Variants in PRKCE observed in about 807,000 individuals in gnomAD.
PRKCE encodes protein kinase C epsilon, also known as protein kinase C epsilon type.
In PRKCE, 16 loss-of-function variants were observed where a neutral mutation model predicts 85.4. The ratio of observed to expected loss-of-function variants is 0.19; its 90% CI spans 0.13 to 0.28. The LOEUF (loss-of-function observed/expected upper bound fraction) is 0.28. PRKCE is among the 10% of genes least tolerant of loss of function. The pLI is 1.00. For missense variants in PRKCE, 573 were observed against 975.2 expected (o/e 0.59, Z 5.49); for synonymous variants, 388 against 371.5 (o/e 1.04, Z -0.51).
At chr2:45,813,522 A>G (rs1212337309) in intron 1 of PRKCE, among the ~76,000 whole-genome samples, 1 of 152,192 alleles carries the variant, frequency 6.6e-6, no homozygotes, top group African/African-American at 2.4e-5. Flanking sequence ...TCCCTGGCAG[A>G]CACCATGTGG....
chr2:45,977,931 A>G (rs1702587790), intron 3 of PRKCE, among the ~76,000 whole-genome samples: 2 of 152,204 alleles, frequency 1.3e-5, no homozygotes, highest in African/African-American at 4.8e-5. Context: ...GAGTGAGGCC[A>G]GGATGCAGTA....
chr2:45,928,630 T>C (rs1698808561), intron 2 of PRKCE, among the ~76,000 whole-genome samples: 1 of 152,154 alleles, frequency 6.6e-6, no homozygotes, highest in Admixed American at 6.5e-5. Flanking sequence ...ACAATGTGTA[T>C]AGAAGTAATG....
chr2:46,126,985 T>C (rs1417477326), intron 11 of PRKCE, among the ~76,000 whole-genome samples: 4 of 152,206 alleles, frequency 2.6e-5, no homozygotes, highest in African/African-American at 9.6e-5. Context: ...GTTGTTGAGC[T>C]TAAAAATCTA....
Position 46,159,071 on chromosome 2 carries a change from G to T in PRKCE, c.1921-535G>T, listed in dbSNP as rs1432130159. Among the ~76,000 whole-genome samples the T allele has an allele frequency of 6.6e-6, 1 of 152,226 alleles. No homozygotes were observed. Among genetic ancestry groups the T allele is most frequent in the Non-Finnish European group, 1.5e-5 (1 of 68,040 alleles). ...TCAAACATAAAAACAGTGGAGAGGG[G>T]CTGGGTCCAGGAACAGGAAAGGAGC... On this transcript the variant is annotated intron_variant, in intron 13 of 14. Coordinates refer to ENST00000306156, the MANE Select transcript of PRKCE (RefSeq NM_005400.3). The surrounding 1 kb of genome is among the most constrained non-coding windows in gnomAD (Gnocchi z 4.1).
At chr2:45,987,347 G>C (rs942578436) in intron 6 of PRKCE, among the ~76,000 whole-genome samples, 1 of 152,166 alleles carries the variant, frequency 6.6e-6, no homozygotes, top group South Asian at 2.1e-4. Flanking sequence ...GACGAAGGCT[G>C]AGACCTGAAG....
At chr2:46,132,968 G>A (rs3768743) in intron 11 of PRKCE, among the ~76,000 whole-genome samples, 5,754 of 152,262 alleles carry the variant, frequency 0.038, 162 homozygotes, top group East Asian at 0.11. Context: ...ATTGTGTGGA[G>A]TTACATTTGT....
chr2:46,102,960 A>C (rs775220726), intron 11 of PRKCE, among the ~76,000 whole-genome samples: 1 of 152,150 alleles, frequency 6.6e-6, no homozygotes, highest in Admixed American at 6.6e-5. Flanking sequence ...CTTTGCAAAG[A>C]AGTATTATAT....
intron 2 of PRKCE, among the ~76,000 whole-genome samples, chr2:45,844,098 A>G (rs1434860243): frequency 2.0e-5 from 3 of 152,216 alleles, no homozygotes; most frequent in African/African-American, 7.2e-5. Flanking sequence ...GATAGAAGGA[A>G]GGATTACATA....
Position 45,774,188 on chromosome 2 carries a change from G to T in PRKCE, c.349-68812G>T, listed in dbSNP as rs552516458. On this transcript the variant is annotated intron_variant, in intron 1 of 14. Transcript: ENST00000306156. The surrounding 1 kb of genome is among the most constrained non-coding windows in gnomAD (Gnocchi z 4.3). ...CCAGGGCTGGGCTTGGCTGGGACATGTTGGGCTGACCACCCCTGTGGTCAG... is the reference window on the plus strand; with the variant it reads ...CCAGGGCTGGGCTTGGCTGGGACATTTTGGGCTGACCACCCCTGTGGTCAG... Among the ~76,000 whole-genome samples, 1 of 152,260 alleles carries T rather than the reference G, an allele frequency of 6.6e-6. No homozygotes were observed. Among genetic ancestry groups the T allele is most frequent in the South Asian group, 2.1e-4 (1 of 4,822 alleles).
At chr2:45,720,283 G>A (rs970444890) in intron 1 of PRKCE, among the ~76,000 whole-genome samples, 9 of 152,164 alleles carry the variant, frequency 5.9e-5, no homozygotes, top group African/African-American at 1.7e-4. Flanking sequence ...AGTGAAGTGA[G>A]TGCGCTATCA....
chr2:45,817,127 C>G (rs1024463135), intron 1 of PRKCE, among the ~76,000 whole-genome samples: 1 of 145,598 alleles, frequency 6.9e-6, no homozygotes, highest in Non-Finnish European at 1.5e-5. Flanking sequence ...TAGGGACATG[C>G]CCCAGGGGGA....
chr2:45,744,500 T>TTC (rs1682943832), intron 1 of PRKCE, among the ~76,000 whole-genome samples: 1 of 84,722 alleles, frequency 1.2e-5, no homozygotes, highest in African/African-American at 5.7e-5. Context: ...TCTTTCTTTC[T>TTC]TTTCTTTCTT....
chr2:45,999,059 A>G (rs1389961276), intron 6 of PRKCE, among the ~76,000 whole-genome samples: 1 of 152,194 alleles, frequency 6.6e-6, no homozygotes, highest in Non-Finnish European at 1.5e-5. Context: ...CTATAATTAC[A>G]CATAATCAGC....
At chr2:46,090,321 G>T (rs1160764544) in intron 11 of PRKCE, among the ~76,000 whole-genome samples, 1 of 152,164 alleles carries the variant, frequency 6.6e-6, no homozygotes, top group Non-Finnish European at 1.5e-5. Flanking sequence ...CACTCCAGCT[G>T]TGAGCGGCCT....
chr2:45,800,554 G>A (rs1033405827), intron 1 of PRKCE, among the ~76,000 whole-genome samples: 2 of 152,210 alleles, frequency 1.3e-5, no homozygotes, highest in African/African-American at 4.8e-5. Flanking sequence ...GGGTTTGAGG[G>A]CAGCCTTCAC....
intron 6 of PRKCE, among the ~76,000 whole-genome samples, chr2:46,000,012 A>G (rs959352844): frequency 3.4e-4 from 52 of 152,164 alleles, no homozygotes; most frequent in African/African-American, 1.2e-3. Flanking sequence ...TGCTGTGTAC[A>G]TTATCCATTA....
At chr2:45,847,293 C>G (rs548883329) in intron 2 of PRKCE, among the ~76,000 whole-genome samples, 2 of 152,210 alleles carry the variant, frequency 1.3e-5, no homozygotes, top group African/African-American at 2.4e-5. Context: ...TTAGTGTGGA[C>G]CATAGCATGT....
chr2:45,901,181 T>A (rs1696552572), intron 2 of PRKCE, among the ~76,000 whole-genome samples: 1 of 152,236 alleles, frequency 6.6e-6, no homozygotes, highest in Admixed American at 6.5e-5. Context: ...AGATTTGAGA[T>A]GCAGAAAAAT....
At chr2:45,787,341 GGAGAGACAGAGACAGAGAGAGA>G (rs1261712087) in intron 1 of PRKCE, among the ~76,000 whole-genome samples, 2 of 151,846 alleles carry the variant, frequency 1.3e-5, no homozygotes, top group East Asian at 2.0e-4. Context: ...TGAGGGAGAG[GGAGAGACAGAGACAGAGAGAGA>G]GAGAGACACA....
Sources: gnomAD v4.1 joint callset for allele counts (sites outside exome capture counted in the v4.1 genomes callset) on GRCh38, gnomAD v4.1.1 for gene constraint, Gnocchi (gnomAD v3.1) non-coding constraint, MANE v1.5 for transcripts, NCBI Gene and HGNC (gene_info 2026-07-23, HGNC 2026-07-21) for gene names.